The following ESYT3 variants were observed in gnomAD, a reference collection of about 807,000 sequenced individuals.
ESYT3 encodes extended synaptotagmin-3.
In ESYT3, 101 loss-of-function variants were observed where a neutral mutation model predicts 111.5. The ratio of observed to expected loss-of-function variants is 0.91; its 90% CI spans 0.77 to 1.07. The LOEUF (loss-of-function observed/expected upper bound fraction) is 1.07. ESYT3 is among the 50% of genes least tolerant of loss of function. The pLI, the probability that ESYT3 is intolerant of heterozygous loss-of-function variation, is 0.00. For missense variants in ESYT3, 1,097 were observed against 1,109.4 expected (o/e 0.99, Z 0.16); for synonymous variants, 416 against 446.8 (o/e 0.93, Z 0.87).
chr3:138,470,482 C>T, intron 16 of ESYT3: 1 of 1,101,756 alleles, frequency 9.1e-7, no homozygotes, highest in Non-Finnish European at 1.1e-6. Flanking sequence ...ATTTAATCTT[C>T]ACAAAAGATC....
intron 3 of ESYT3, among the ~76,000 whole-genome samples, chr3:138,455,920 G>A (rs528370903): frequency 6.6e-6 from 1 of 152,326 alleles, no homozygotes; most frequent in African/African-American, 2.4e-5. Flanking sequence ...TACGCCTCCT[G>A]CCTCGAAGTG....
chr3:138,475,440 C>T (rs76543402), intron 20 of ESYT3, among the ~76,000 whole-genome samples: 1 of 152,174 alleles, frequency 6.6e-6, no homozygotes, highest in Non-Finnish European at 1.5e-5. Flanking sequence ...GCAGCCTCCA[C>T]CCTAAAAATA....
chr3:138,474,147 A>T, intron 19 of ESYT3, 74 bp from the exon 20 acceptor site: 2 of 1,564,116 alleles, frequency 1.3e-6, no homozygotes, highest in Non-Finnish European at 8.6e-7. Context: ...TCAAACACTG[A>T]AACTCTCAAA....
At chr3:138,442,178 A>T (rs1293006214) in intron 1 of ESYT3, among the ~76,000 whole-genome samples, 1 of 152,144 alleles carries the variant, frequency 6.6e-6, no homozygotes, top group Non-Finnish European at 1.5e-5. Context: ...TGGAAATGGC[A>T]TAAAAGTTAA....
chr3:138,455,464 CCCG>C (rs146958628), intron 3 of ESYT3, 136 bp downstream of exon 3: 450,429 of 841,856 alleles, frequency 0.54, 122,636 homozygotes, highest in Admixed American at 0.69. Flanking sequence ...GGGACACCCT[CCCG>C]CCACCACCTG....
intron 9 of ESYT3, 77 bp from the exon 10 acceptor site, chr3:138,465,262 C>A: frequency 9.2e-7 from 1 of 1,086,028 alleles, no homozygotes; most frequent in South Asian, 1.5e-5. Flanking sequence ...GCGTTCTGAG[C>A]CATGATTTGG....
chr3:138,470,414 A>C, intron 16 of ESYT3: 1 of 1,165,734 alleles, frequency 8.6e-7, no homozygotes, highest in South Asian at 2.8e-5. Flanking sequence ...CACAGTACCC[A>C]GAGCAGCCTA....
At chr3:138,443,018 C>T (rs1254768697) in intron 1 of ESYT3, among the ~76,000 whole-genome samples, 2 of 152,162 alleles carry the variant, frequency 1.3e-5, no homozygotes, top group Non-Finnish European at 1.5e-5. Context: ...TTACTATCAT[C>T]GCTTAGGTCC....
chr3:138,455,344 G>T lies in ESYT3; in HGVS notation c.504+16G>T, dbSNP rs1560223723. ...TGGACAGAAGGTGGGTGTGTCTCGG[G>T]AGGGTCAGCCTGGACTGGCTGTGCA... On this transcript the variant is annotated intron_variant, in intron 3 of 22. Transcript: ENST00000389567. 1 of 1,613,842 alleles carries T rather than the reference G, an allele frequency of 6.2e-7. No homozygotes were observed. The highest frequency in any genetic ancestry group is 8.5e-7 in the Non-Finnish European group (1 of 1,179,844).
intron 17 of ESYT3, among the ~76,000 whole-genome samples, chr3:138,471,830 C>T (rs897462041): frequency 3.3e-5 from 5 of 152,178 alleles, no homozygotes; most frequent in African/African-American, 1.2e-4. Flanking sequence ...CATATTTATA[C>T]TCAAAATTCA....
rs1027316385 is a variant in ESYT3 at position 138,470,678 on chromosome 3, C to G, written c.1591-199C>G. 6 of 1,404,294 alleles carry G rather than the reference C, an allele frequency of 4.3e-6. No homozygotes were observed. The African/African-American group carries it at 8.7e-5, about 20-fold the overall frequency. The allele number at this position is 1,404,294 out of a possible 1,614,324, so 87.0% of individuals were successfully genotyped here. On this transcript the variant is annotated intron_variant, in intron 16 of 22. Coordinates refer to ENST00000389567, the MANE Select transcript of ESYT3 (RefSeq NM_031913.5). ...CTCATACAGATCATAATTGCCTCTA[C>G]TCTGAGTCACTATCTTCCCTGACAG...
At chr3:138,468,351 A>T (rs1367619854) in intron 12 of ESYT3, among the ~76,000 whole-genome samples, 157 bp downstream of exon 12, 14 of 152,106 alleles carry the variant, frequency 9.2e-5, no homozygotes, top group African/African-American at 3.4e-4. Context: ...GCAGCTCCTG[A>T]TAGCTCTCAG....
At chr3:138,457,678 G>T in intron 4 of ESYT3, 34 bp downstream of exon 4, 1 of 1,604,722 alleles carries the variant, frequency 6.2e-7, no homozygotes, top group Non-Finnish European at 8.5e-7. Flanking sequence ...GGGCTTCGGG[G>T]TGCAGGGGAC....
chr3:138,447,982 C>T (rs538591135), intron 1 of ESYT3, among the ~76,000 whole-genome samples: 3 of 151,790 alleles, frequency 2.0e-5, no homozygotes, highest in South Asian at 2.1e-4. Flanking sequence ...AATGGGGAAT[C>T]GGCGGCCGGG....
Position 138,472,816 on chromosome 3 carries a change from G to A in ESYT3, c.2194G>A (p.Ala732Thr). ...APSMSSLNSL[A>T]SSCFDLADIS... ...CAGCATGTCCTCGCTCAACTCCTTG[G>A]CCTCTTCTTGCTTTGACCTGGCAGA... The change falls in exon 18 of 23, where the codon GCC becomes ACC. Residue 732 changes from alanine to threonine, a missense_variant. Ala to Thr is a moderately conservative substitution (Grantham distance 58, BLOSUM62 0). Transcript: ENST00000389567. The A allele has an allele frequency of 6.2e-7, 1 of 1,614,148 alleles. No homozygotes were observed. The highest frequency in any genetic ancestry group is 2.2e-5 in the East Asian group (1 of 44,882).
chr3:138,468,687 G>A lies in ESYT3; in HGVS notation c.1341G>A (p.Val447=). ...DHGGLSTAIL[V]VFLESACNLP... is the part of the protein sequence containing the mutation. Reference sequence around the variant, plus strand: ...GTGGCCTTTCCACTGCCATTCTCGTGGTCTTCTTGGAGAGTGCCTGCAACT... The same window carrying A: ...GTGGCCTTTCCACTGCCATTCTCGTAGTCTTCTTGGAGAGTGCCTGCAACT... The change falls in exon 13 of 23, where the codon GTG becomes GTA. Residue 447 remains valine, a synonymous_variant. Transcript: ENST00000389567. 1 of 1,613,662 alleles carries A rather than the reference G, an allele frequency of 6.2e-7. No homozygotes were observed. Among genetic ancestry groups the A allele is most frequent in the South Asian group, 1.1e-5 (1 of 90,656 alleles).
In ESYT3 at chr3:138,471,011, G is replaced by A. The variant is rs2108627625; in HGVS notation, c.1725G>A (p.Met575Ile). 2 of 1,613,910 alleles carry A rather than the reference G, an allele frequency of 1.2e-6. No homozygotes were observed. The highest frequency in any genetic ancestry group is 2.2e-5 in the East Asian group (1 of 44,880). The stretch of plus-strand genomic sequence containing the variant: ...CAGGCCTGGACAGCCTCATCTCCAT[G>A]AGGCTGGTGCTTCGGGTAAATCTCT... ...DHSGLDSLISMRLVLRFLQVE... is the reference protein window; with the variant it reads ...DHSGLDSLISIRLVLRFLQVE... The change falls in exon 17 of 23, where the codon ATG becomes ATA. Residue 575 changes from methionine (M) to isoleucine (I), a missense_variant. Met to Ile is a conservative substitution (Grantham distance 10, BLOSUM62 1). Transcript: ENST00000389567.
intron 2 of ESYT3, among the ~76,000 whole-genome samples, chr3:138,452,768 G>A (rs182161154): frequency 9.2e-5 from 14 of 152,302 alleles, no homozygotes; most frequent in Non-Finnish European, 1.5e-4. Context: ...CAAATCTCCT[G>A]ACTGAGGAAT....
At chr3:138,462,977 T>G (rs1429071745) in intron 8 of ESYT3, among the ~76,000 whole-genome samples, 1 of 152,114 alleles carries the variant, frequency 6.6e-6, no homozygotes, top group Non-Finnish European at 1.5e-5. Flanking sequence ...TTACTTAATA[T>G]GAACAAATAC....
Sources: allele counts gnomAD v4.1 joint callset (sites outside exome capture counted in the v4.1 genomes callset), GRCh38; gene constraint gnomAD v4.1.1; transcripts MANE v1.5; gene names NCBI Gene and HGNC (gene_info 2026-07-23, HGNC 2026-07-21).